TM9SF4: variants seen among roughly 807,000 people sequenced by gnomAD.
TM9SF4 encodes the protein transmembrane 9 superfamily member 4, also known as dinucleotide oxidase disulfide thiol exchanger 3 superfamily member 4.
TM9SF4 carries 26 observed loss-of-function variants against 90.4 expected under a neutral mutation model. The observed-to-expected ratio is 0.29, with a 90% CI of 0.21 to 0.40. TM9SF4 has a LOEUF of 0.40. TM9SF4 is among the 10% of genes least tolerant of loss of function. TM9SF4 has a pLI of 1.00. For synonymous variants in TM9SF4, 293 were observed against 315.4 expected, an observed-to-expected ratio of 0.93 and a Z score of 0.75; for missense variants, 549 against 834.8, an observed-to-expected ratio of 0.66 and a Z score of 4.22.
At chr20:32,137,979 C>T (rs1027109665) in intron 3 of TM9SF4, among the ~76,000 whole-genome samples, 25 of 152,210 alleles carry the variant, frequency 1.6e-4, no homozygotes, top group African/African-American at 6.0e-4. Flanking sequence ...CACTGTACAG[C>T]AGCTTCTGTG....
Position 32,150,647 on chromosome 20 carries a change from G to A in TM9SF4, c.1113G>A (p.Ser371=), listed in dbSNP as rs760563426. The stretch of plus-strand genomic sequence containing the variant: ...TTGTAGCCATGCTTGGGATGCTGTC[G>A]CCCTCCAGCCGGGGAGCTCTCATGA... ...VIFVAMLGML[S]PSSRGALMTT... Residue 371 remains serine, a synonymous_variant, in exon 11 of 18, where the codon TCG becomes TCA. Coordinates refer to ENST00000398022, the MANE Select transcript of TM9SF4 (RefSeq NM_014742.4). 40 of 1,614,048 alleles carry A rather than the reference G, an allele frequency of 2.5e-5. No homozygotes were observed. Among genetic ancestry groups the A allele is most frequent in the Middle Eastern group, 1.6e-4 (1 of 6,084 alleles).
intron 17 of TM9SF4, among the ~76,000 whole-genome samples, chr20:32,162,651 C>T (rs2047034074): frequency 6.6e-6 from 1 of 152,152 alleles, no homozygotes; most frequent in South Asian, 2.1e-4. Context: ...GAAGACACTC[C>T]CTCCTAACAT....
chr20:32,110,174 G>A (rs1169733269), intron 1 of TM9SF4: 4 of 622,376 alleles, frequency 6.4e-6, no homozygotes, highest in East Asian at 1.8e-4. Flanking sequence ...TAACCAGTCC[G>A]CAGATGTGAC....
intron 9 of TM9SF4, 124 bp downstream of exon 9, chr20:32,146,979 A>G (rs893319436): frequency 7.1e-6 from 6 of 845,624 alleles, no homozygotes; most frequent in Non-Finnish European, 1.1e-5. Context: ...ACAGTTTAGT[A>G]TACTTTTTTT....
intron 3 of TM9SF4, chr20:32,136,947 A>G (rs2046603505): frequency 2.1e-6 from 1 of 471,156 alleles, no homozygotes. Context: ...AGGGCTACGC[A>G]TGGCTCAGAT....
intron 15 of TM9SF4, chr20:32,159,157 G>C (rs145547195): frequency 6.6e-6 from 1 of 152,310 alleles, no homozygotes; most frequent in African/African-American, 2.4e-5. Flanking sequence ...TTACCTCTCT[G>C]TGTTACTCAC....
intron 1 of TM9SF4, among the ~76,000 whole-genome samples, chr20:32,125,862 GTTT>G (rs2046412690): frequency 6.6e-6 from 1 of 151,668 alleles, no homozygotes; most frequent in African/African-American, 2.4e-5. Context: ...TAGAGATGGG[GTTT>G]TAGCATGTTG....
intron 16 of TM9SF4, 126 bp downstream of exon 16, chr20:32,160,237 C>A: frequency 7.1e-7 from 1 of 1,406,032 alleles, no homozygotes; most frequent in South Asian, 1.3e-5. Flanking sequence ...GCTCTGAGCT[C>A]TTGGGCCAGT....
chr20:32,161,383 G>A lies in TM9SF4; in HGVS notation c.1779+18G>A. ...TTAACAAGGTACTGCCCTCCTTGAG[G>A]AGGTCCTCTTAGTCCTCATAGGGTA... On this transcript the variant is annotated intron_variant, in intron 17 of 17. Coordinates refer to ENST00000398022, the MANE Select transcript of TM9SF4 (RefSeq NM_014742.4). 6.2e-7 allele frequency: 1 copy of A among 1,611,438 alleles called. No homozygotes were observed. Among genetic ancestry groups the A allele is most frequent in the Non-Finnish European group, 8.5e-7 (1 of 1,177,814 alleles).
intron 1 of TM9SF4, among the ~76,000 whole-genome samples, chr20:32,121,049 C>T (rs2046297936): frequency 1.3e-5 from 2 of 152,132 alleles, no homozygotes; most frequent in Admixed American, 6.5e-5. Flanking sequence ...ATCTGTTCAT[C>T]ATCATCATGA....
Position 32,111,640 on chromosome 20 carries a change from T to C in TM9SF4, c.15+1885T>C, listed in dbSNP as rs554193292. Among the ~76,000 whole-genome samples, 7 of 152,264 alleles carry C rather than the reference T, an allele frequency of 4.6e-5. No individual in the cohort carries two copies. In the East Asian group the frequency reaches 1.4e-3, roughly 29 times the overall value. On this transcript the variant is annotated intron_variant, in intron 1 of 17. Transcript: ENST00000398022. ...GACAGCAAAATGAAGTGATAGTGAT[T>C]AGGGGTGACTGGGTGACACAACTAC...
chr20:32,118,684 G>A (rs1450835255), intron 1 of TM9SF4, among the ~76,000 whole-genome samples: 1 of 151,640 alleles, frequency 6.6e-6, no homozygotes, highest in Non-Finnish European at 1.5e-5. Flanking sequence ...TGCCCAAGCT[G>A]GAGTGCAGTG....
chr20:32,129,597 ATTT>A (rs34093111), intron 1 of TM9SF4, among the ~76,000 whole-genome samples: 3 of 139,638 alleles, frequency 2.1e-5, no homozygotes, highest in Admixed American at 7.2e-5. Context: ...TAAGTAGTGA[ATTT>A]TTTTTTTTTT....
chr20:32,122,253 G>C (rs1323359693), intron 1 of TM9SF4, among the ~76,000 whole-genome samples: 2 of 87,796 alleles, frequency 2.3e-5, no homozygotes, highest in Non-Finnish European at 5.2e-5. Flanking sequence ...CCTGGCGGGG[G>C]GCTGACCCCC....
intron 17 of TM9SF4, among the ~76,000 whole-genome samples, chr20:32,163,272 T>C (rs1208562715): frequency 1.4e-5 from 1 of 71,234 alleles, no homozygotes; most frequent in Non-Finnish European, 2.6e-5. Flanking sequence ...AAAAAAAATA[T>C]ATATATATAT....
At chr20:32,135,052 C>G (rs2046575814) in intron 2 of TM9SF4, among the ~76,000 whole-genome samples, 1 of 152,112 alleles carries the variant, frequency 6.6e-6, no homozygotes, top group Non-Finnish European at 1.5e-5. Flanking sequence ...GAGGAATGGT[C>G]AATAGTTCCT....
At chr20:32,159,908 C>G (rs2046989522) in intron 15 of TM9SF4, 84 bp from the exon 16 acceptor site, 1 of 1,585,764 alleles carries the variant, frequency 6.3e-7, no homozygotes, top group African/African-American at 1.3e-5. Context: ...GATGTGTCCA[C>G]TCCTGCCCTT....
chr20:32,165,216 CAGTG>C, intron 17 of TM9SF4, 75 bp from the exon 18 acceptor site: 5 of 1,582,120 alleles, frequency 3.2e-6, no homozygotes, highest in East Asian at 2.2e-5. Flanking sequence ...CCCATGATAT[CAGTG>C]AGAGTGGGGC....
chr20:32,123,866 A>ATATATATATATTTT lies in TM9SF4; in HGVS notation c.16-9146_16-9145insATATATATATTTTT. Among the ~76,000 whole-genome samples the ATATATATATATTTT allele has an allele frequency of 1.3e-3, 122 of 93,940 alleles. 3 individuals carry two copies. The highest frequency in any genetic ancestry group is 5.2e-3 in the African/African-American group (115 of 21,964). 61.6% of individuals were successfully genotyped at this position (93,940 alleles called of 152,430 possible). ...CTCTCATATATATATATATATATAT[A>ATATATATATATTTT]TTTTTTTTTTTAAAGAGATAGGGTC... On this transcript the variant is annotated intron_variant, in intron 1 of 17. Transcript: ENST00000398022.
Sources: allele counts gnomAD v4.1 joint callset (sites outside exome capture counted in the v4.1 genomes callset), GRCh38; gene constraint gnomAD v4.1.1; transcripts MANE v1.5; gene names NCBI Gene and HGNC (gene_info 2026-07-23, HGNC 2026-07-21).